The following AGO2 variants were observed in gnomAD, a reference collection of about 807,000 sequenced individuals.
AGO2 encodes protein argonaute-2.
A neutral mutation model predicts 102.3 loss-of-function variants in AGO2; 5 were observed. The ratio of observed to expected loss-of-function variants is 0.05; its 90% CI spans 0.03 to 0.10. AGO2 has a LOEUF of 0.10. Ranked by LOEUF, AGO2 falls within the 10% of genes least tolerant of loss-of-function variation. AGO2 has a pLI of 1.00. For missense variants in AGO2, 541 were observed against 1,183.7 expected (o/e 0.46, Z 7.97); for synonymous variants, 449 against 473.1 (o/e 0.95, Z 0.66).
rs71504806 is a variant in AGO2, at chr8:140,566,602, CTTTT to C, written c.337-3972_337-3969del. 9.2e-3 allele frequency among the ~76,000 whole-genome samples: 1,267 copies of C among 137,068 alleles called. 16 individuals carry two copies. The highest frequency in any genetic ancestry group is 0.03 in the African/African-American group (1,109 of 37,250). 89.9% of individuals were successfully genotyped at this position (137,068 alleles called of 152,430 possible). A position where few individuals can be genotyped will look rare whatever the true frequency, so the allele number is the denominator to read the frequency against. On this transcript the variant is annotated intron_variant, in intron 3 of 18. Coordinates refer to ENST00000220592, the MANE Select transcript of AGO2 (RefSeq NM_012154.5). ...ACTCACTGGTTCCCCCCTTTACTTTCTTTTTTTTTTTTTTTTGGGGGGGGGGAAG... is the reference window on the plus strand; with the variant it reads ...ACTCACTGGTTCCCCCCTTTACTTTCTTTTTTTTTTTTGGGGGGGGGGAAG...
chr8:140,571,869 C>T (rs2073381896), intron 3 of AGO2, among the ~76,000 whole-genome samples: 1 of 152,142 alleles, frequency 6.6e-6, no homozygotes, highest in African/African-American at 2.4e-5. Context: ...CCTTAGCTTC[C>T]CAAGTAGGTG....
intron 1 of AGO2, among the ~76,000 whole-genome samples, chr8:140,591,124 G>T (rs935255652): frequency 6.6e-6 from 1 of 152,242 alleles, no homozygotes; most frequent in African/African-American, 2.4e-5. Flanking sequence ...CGGGGGCAGC[G>T]GAGCTGTCCT....
chr8:140,564,281 C>CAGCGGAGGGGGT (rs2073246146), intron 3 of AGO2, among the ~76,000 whole-genome samples: 1 of 140,134 alleles, frequency 7.1e-6, no homozygotes, highest in African/African-American at 2.8e-5. Context: ...CTCATCAGGA[C>CAGCGGAGGGGGT]AGCGGAGGGG....
intron 4 of AGO2, among the ~76,000 whole-genome samples, chr8:140,562,156 A>G (rs2073212376): frequency 6.6e-6 from 1 of 152,248 alleles, no homozygotes; most frequent in African/African-American, 2.4e-5. Flanking sequence ...CAAGGGCAAG[A>G]GATGAGCAGA....
At chr8:140,618,274 C>T (rs565078554) in intron 1 of AGO2, among the ~76,000 whole-genome samples, 18 of 150,136 alleles carry the variant, frequency 1.2e-4, no homozygotes, top group Non-Finnish European at 2.4e-4. Flanking sequence ...GAGCCGAGAT[C>T]GTGCCACTGC....
At chr8:140,565,922 A>C (rs972634823) in intron 3 of AGO2, among the ~76,000 whole-genome samples, 3 of 152,040 alleles carry the variant, frequency 2.0e-5, no homozygotes, top group Non-Finnish European at 4.4e-5. Flanking sequence ...CTGTGCTCCC[A>C]GTTACTCAGG....
At chr8:140,545,645 G>A (rs1161869112) in intron 13 of AGO2, among the ~76,000 whole-genome samples, 3 of 152,130 alleles carry the variant, frequency 2.0e-5, no homozygotes, top group East Asian at 1.9e-4. Context: ...CAGCCTCCCC[G>A]TCTAATGATG....
rs950630689 is a variant in AGO2, at chr8:140,520,736, C to CTTAG, written c.*11304_*11307dup. On this transcript the variant is annotated 3_prime_UTR_variant, in exon 19 of 19. Transcript: ENST00000220592. The stretch of plus-strand genomic sequence containing the variant: ...AGGTGACATGATTTTTAACCTTGAG[C>CTTAG]TTAGAAATAAGTTATCCAACCTCTT... 1.3e-5 allele frequency: 2 copies of CTTAG among 150,338 alleles called. No individual in the cohort carries two copies. The highest frequency in any genetic ancestry group is 4.9e-5 in the African/African-American group (2 of 41,028). The allele number at this position is 150,338 out of a possible 1,614,324, so 9.3% of individuals were successfully genotyped here. A position where few individuals can be genotyped will look rare whatever the true frequency, so the allele number is the denominator to read the frequency against.
Position 140,555,935 on chromosome 8 carries a change from C to T in AGO2, c.1230G>A (p.Gly410=). ...GGATGGAGGGCGGCTGCAGCACCCG[C>T]CCAGTCACGTCTGTCATCTCATCTT... The part of the protein sequence containing the change: ...MVKDEMTDVT[G]RVLQPPSILY... Residue 410 remains glycine, a synonymous_variant, in exon 10 of 19, where the codon GGG becomes GGA. Transcript: ENST00000220592. The T allele has an allele frequency of 6.2e-7, 1 of 1,614,172 alleles. No individual in the cohort carries two copies. The highest frequency in any genetic ancestry group is 8.5e-7 in the Non-Finnish European group (1 of 1,180,046).
chr8:140,622,320 ACATGGGGTCTCCTCTCG>A (rs1233713687), intron 1 of AGO2, among the ~76,000 whole-genome samples: 1 of 119,518 alleles, frequency 8.4e-6, no homozygotes, highest in African/African-American at 3.3e-5. Context: ...GGAATAATGC[ACATGGGGTCTCCTCTCG>A]GGGGAATAAT....
chr8:140,600,845 G>A (rs1232272023), intron 1 of AGO2, among the ~76,000 whole-genome samples: 4 of 151,050 alleles, frequency 2.6e-5, no homozygotes, highest in Non-Finnish European at 4.4e-5. Context: ...CCAAGACCCC[G>A]TAGGATTGAC....
chr8:140,586,617 C>G (rs905755881), intron 1 of AGO2, among the ~76,000 whole-genome samples: 1 of 152,216 alleles, frequency 6.6e-6, no homozygotes, highest in Admixed American at 6.5e-5. Context: ...CAGCAGCTCA[C>G]CAAGATCCTT....
intron 16 of AGO2, among the ~76,000 whole-genome samples, chr8:140,535,918 A>G (rs2072687864): frequency 1.3e-5 from 2 of 152,182 alleles, no homozygotes; most frequent in African/African-American, 4.8e-5. Flanking sequence ...ACTGTCACCA[A>G]CGTACACATC....
intron 1 of AGO2, among the ~76,000 whole-genome samples, chr8:140,618,624 A>G (rs1203883373): frequency 6.6e-6 from 1 of 152,178 alleles, no homozygotes. Context: ...CATGTATAGA[A>G]ATGTGTGAGC....
intron 1 of AGO2, among the ~76,000 whole-genome samples, chr8:140,591,436 ATG>A (rs2073745237): frequency 6.6e-6 from 1 of 152,212 alleles, no homozygotes; most frequent in Non-Finnish European, 1.5e-5. Flanking sequence ...GATCAGACTG[ATG>A]ATCATCCCTA....
intron 1 of AGO2, among the ~76,000 whole-genome samples, chr8:140,633,872 G>A (rs181788880): frequency 2.0e-5 from 3 of 152,360 alleles, no homozygotes; most frequent in East Asian, 3.9e-4. Flanking sequence ...AGTGAATTAA[G>A]TAACACGCAA....
chr8:140,577,932 C>A (rs545069992), intron 2 of AGO2, among the ~76,000 whole-genome samples: 1 of 152,222 alleles, frequency 6.6e-6, no homozygotes, highest in Non-Finnish European at 1.5e-5. Flanking sequence ...GCACGGCGTG[C>A]GGCTTGGGCT....
intron 16 of AGO2, among the ~76,000 whole-genome samples, chr8:140,537,696 T>C (rs1262417496): frequency 6.6e-6 from 1 of 152,230 alleles, no homozygotes; most frequent in Non-Finnish European, 1.5e-5. Context: ...TTCATCAATT[T>C]CTCCTTAAAA....
intron 1 of AGO2, among the ~76,000 whole-genome samples, chr8:140,602,654 A>C (rs1222518700): frequency 6.6e-6 from 1 of 152,244 alleles, no homozygotes; most frequent in Non-Finnish European, 1.5e-5. Context: ...CGCACTTGGA[A>C]TGAATACAGC....
Sources: gnomAD v4.1 joint callset for allele counts (sites outside exome capture counted in the v4.1 genomes callset) on GRCh38, gnomAD v4.1.1 for gene constraint, MANE v1.5 for transcripts, NCBI Gene and HGNC (gene_info 2026-07-23, HGNC 2026-07-21) for gene names.